Variants in PKIB observed in about 807,000 individuals in gnomAD.
PKIB encodes the protein PKI-beta.
A neutral mutation model predicts 4.5 loss-of-function variants in PKIB; 2 were observed. The observed-to-expected ratio is 0.44, with a 90% CI of 0.18 to 1.39. The LOEUF is 1.39. PKIB is among the 40% of genes most tolerant of loss of function. The pLI is 0.27. For synonymous variants in PKIB, 38 were observed against 36.0 expected (o/e 1.06, Z -0.20); for missense variants, 94 against 92.6 (o/e 1.02, Z -0.06).
At chr6:122,471,933 CACTAG>C in exon 1 of PKIB, 1 of 1,220,204 alleles carries the variant, frequency 8.2e-7, no homozygotes, top group Non-Finnish European at 1.1e-6. Context: ...GCATGCGCGT[CACTAG>C]ACGACACGGC....
intron 2 of PKIB, among the ~76,000 whole-genome samples, chr6:122,562,357 T>A (rs1342331769): frequency 6.6e-6 from 1 of 152,172 alleles, no homozygotes; most frequent in Non-Finnish European, 1.5e-5. Context: ...CTTTATAGGT[T>A]GCTTGGTGCT....
chr6:122,621,269 T>A (rs1274887909), intron 1 of PKIB, among the ~76,000 whole-genome samples: 9 of 152,190 alleles, frequency 5.9e-5, no homozygotes, highest in Non-Finnish European at 1.0e-4. Context: ...TCCTTATTTA[T>A]TTTACAATTT....
chr6:122,639,498 G>A (rs547362756), intron 2 of PKIB, among the ~76,000 whole-genome samples: 1 of 152,238 alleles, frequency 6.6e-6, no homozygotes, highest in South Asian at 2.1e-4. Context: ...TGAGCTGTGG[G>A]GATCAGAGCT....
intron 2 of PKIB, among the ~76,000 whole-genome samples, chr6:122,536,992 G>T (rs1777425175): frequency 6.7e-6 from 1 of 148,676 alleles, no homozygotes; most frequent in South Asian, 2.1e-4. Flanking sequence ...AACTTTTCTT[G>T]CATAGAGGGG....
At chr6:122,504,162 G>C (rs1776330817) in intron 2 of PKIB, among the ~76,000 whole-genome samples, 1 of 152,022 alleles carries the variant, frequency 6.6e-6, no homozygotes, top group African/African-American at 2.4e-5. Flanking sequence ...TTTTTATGAG[G>C]CTTTATTACT....
chr6:122,573,719 C>T (rs1773442292), intron 2 of PKIB, among the ~76,000 whole-genome samples: 2 of 151,976 alleles, frequency 1.3e-5, no homozygotes, highest in Admixed American at 1.3e-4. Context: ...CAAAATGCAG[C>T]ATCCCTTTGT....
intron 3 of PKIB, among the ~76,000 whole-genome samples, chr6:122,703,860 C>T (rs557189103): frequency 6.8e-6 from 1 of 147,452 alleles, no homozygotes; most frequent in East Asian, 2.0e-4. Context: ...TATGTAAAAG[C>T]TCTACGTAAG....
intron 2 of PKIB, among the ~76,000 whole-genome samples, chr6:122,538,751 T>A (rs1438833955): frequency 1.3e-5 from 2 of 152,110 alleles, no homozygotes; most frequent in Non-Finnish European, 2.9e-5. Context: ...TGGCATTGAA[T>A]CTATAAATTA....
At chr6:122,671,562 T>G (rs549765779) in intron 2 of PKIB, among the ~76,000 whole-genome samples, 2 of 152,288 alleles carry the variant, frequency 1.3e-5, no homozygotes, top group Admixed American at 6.5e-5. Context: ...AGGCAGAAAT[T>G]TGCATAATGT....
intron 2 of PKIB, among the ~76,000 whole-genome samples, chr6:122,553,481 C>CTTTTTTTTTTTTTTGTTTTT (rs1772747277): frequency 1.5e-5 from 1 of 65,838 alleles, no homozygotes; most frequent in African/African-American, 5.9e-5. Context: ...CAAATATCTT[C>CTTTTTTTTTTTTTTGTTTTT]TTTTTTTTTT....
At chr6:122,693,139 A>G (rs941366637) in intron 3 of PKIB, among the ~76,000 whole-genome samples, 38 of 152,202 alleles carry the variant, frequency 2.5e-4, no homozygotes, top group Non-Finnish European at 1.8e-4. Context: ...AGAACATTCT[A>G]TCCTCTGTAC....
chr6:122,587,507 A>G (rs1773886394), intron 3 of PKIB, among the ~76,000 whole-genome samples: 1 of 152,174 alleles, frequency 6.6e-6, no homozygotes, highest in African/African-American at 2.4e-5. Context: ...GTGTCTTTAT[A>G]GCAGCATGAT....
intron 1 of PKIB, among the ~76,000 whole-genome samples, chr6:122,632,058 A>G (rs966666747): frequency 1.6e-4 from 25 of 152,220 alleles, no homozygotes; most frequent in African/African-American, 6.0e-4. Context: ...GAGAAATGTC[A>G]TAACCCCTGG....
chr6:122,537,976 CT>C (rs1777459761), intron 2 of PKIB, among the ~76,000 whole-genome samples: 1 of 152,020 alleles, frequency 6.6e-6, no homozygotes, highest in Non-Finnish European at 1.5e-5. Flanking sequence ...TAAATATCTT[CT>C]TTTGAGAAGT....
At chr6:122,499,619 A>G (rs1033701124) in intron 2 of PKIB, among the ~76,000 whole-genome samples, 2 of 152,218 alleles carry the variant, frequency 1.3e-5, no homozygotes, top group Non-Finnish European at 2.9e-5. Context: ...AATGGACAAA[A>G]GCTGGAAGCA....
chr6:122,629,593 GA>G (rs1582755022), intron 1 of PKIB, among the ~76,000 whole-genome samples: 1 of 152,144 alleles, frequency 6.6e-6, no homozygotes, highest in African/African-American at 2.4e-5. Context: ...AGCAGCAGGA[GA>G]CAGACTAACT....
intron 2 of PKIB, among the ~76,000 whole-genome samples, chr6:122,570,649 C>T (rs904299463): frequency 6.6e-6 from 1 of 152,064 alleles, no homozygotes; most frequent in African/African-American, 2.4e-5. Flanking sequence ...CATACAGAGT[C>T]TTTCCTGCTA....
upstream of PKIB, among the ~76,000 whole-genome samples, chr6:122,606,526 C>T (rs1247906766): frequency 4.1e-5 from 6 of 148,122 alleles, no homozygotes; most frequent in African/African-American, 1.3e-4. Context: ...GAGCAGAGAT[C>T]GCGCCATTGC....
intron 3 of PKIB, among the ~76,000 whole-genome samples, chr6:122,597,205 A>G (rs770817423): frequency 3.9e-5 from 6 of 152,208 alleles, no homozygotes; most frequent in African/African-American, 7.2e-5. Context: ...TGAGCACAAT[A>G]TAATCAATGT....
Sources: allele counts gnomAD v4.1 joint callset (sites outside exome capture counted in the v4.1 genomes callset), GRCh38; gene constraint gnomAD v4.1.1; transcripts MANE v1.5; gene names NCBI Gene and HGNC (gene_info 2026-07-23, HGNC 2026-07-21).